BPHL: variants seen among roughly 807,000 people sequenced by gnomAD.
BPHL encodes biphenyl hydrolase like.
A neutral mutation model predicts 31.2 loss-of-function variants in BPHL; 27 were observed. The observed-to-expected ratio is 0.87, with a 90% CI of 0.64 to 1.19. The LOEUF (loss-of-function observed/expected upper bound fraction) is 1.19. Ranked by LOEUF, BPHL falls within the 50% of genes most tolerant of loss-of-function variation. The pLI is 0.00. For synonymous variants in BPHL, 150 were observed against 146.8 expected, an observed-to-expected ratio of 1.02 and a Z score of -0.16; for missense variants, 356 against 375.7, an observed-to-expected ratio of 0.95 and a Z score of 0.43.
chr6:3,131,767 G>A (rs1478267081), intron 4 of BPHL, among the ~76,000 whole-genome samples: 4 of 151,898 alleles, frequency 2.6e-5, no homozygotes, highest in South Asian at 2.1e-4. Flanking sequence ...ATGCCTCTTC[G>A]CCTTTGCAAC....
chr6:3,153,336 C>T lies in BPHL; in HGVS notation c.*761C>T, dbSNP rs191491013. On this transcript the variant is annotated 3_prime_UTR_variant, in exon 7 of 7. Coordinates refer to ENST00000380379, the MANE Select transcript of BPHL (RefSeq NM_004332.4). ...AAGAGAAGTAGGGAGAGTCCGTGCC[C>T]GAGGTCCTCAATTCTAAGATCAGAG... The T allele has an allele frequency of 5.1e-3, 871 of 171,394 alleles. 5 individuals carry two copies. The highest frequency in any genetic ancestry group is 9.0e-3 in the Non-Finnish European group (707 of 78,606). The allele number at this position is 171,394 out of a possible 1,614,324, so 10.6% of individuals were successfully genotyped here.
chr6:3,138,038 T>C, intron 5 of BPHL: 2 of 1,229,746 alleles, frequency 1.6e-6, no homozygotes, highest in Non-Finnish European at 2.1e-6. Context: ...CTTTTTTTTT[T>C]AGATGGAGTC....
intron 4 of BPHL, among the ~76,000 whole-genome samples, chr6:3,136,270 G>A (rs373596093): frequency 6.6e-6 from 1 of 152,018 alleles, no homozygotes; most frequent in Non-Finnish European, 1.5e-5. Context: ...CTTACCCTCC[G>A]CCCCCAAATG....
chr6:3,133,748 G>A (rs946817165), intron 4 of BPHL, among the ~76,000 whole-genome samples: 2 of 152,286 alleles, frequency 1.3e-5, no homozygotes, highest in East Asian at 1.9e-4. Context: ...TCCACTGCCC[G>A]TGTGAGCACA....
chr6:3,141,972 C>G (rs183305404), intron 6 of BPHL, among the ~76,000 whole-genome samples: 217 of 151,710 alleles, frequency 1.4e-3, no homozygotes, highest in African/African-American at 5.2e-3. Context: ...GACTCCGTCT[C>G]AGAAATAAAT....
intron 4 of BPHL, among the ~76,000 whole-genome samples, chr6:3,133,837 G>A (rs534186003): frequency 3.9e-4 from 59 of 152,308 alleles, no homozygotes; most frequent in Non-Finnish European, 5.6e-4. Flanking sequence ...TCTCTCTAGG[G>A]TCTAAGTCCA....
chr6:3,119,150 T>TA, intron 1 of BPHL: 2 of 804,500 alleles, frequency 2.5e-6, no homozygotes, highest in Non-Finnish European at 2.0e-6. Flanking sequence ...CCCAGGGAGA[T>TA]ACATTTGCCT....
chr6:3,150,397 A>G (rs1762489232), intron 6 of BPHL, among the ~76,000 whole-genome samples: 1 of 152,206 alleles, frequency 6.6e-6, no homozygotes, highest in African/African-American at 2.4e-5. Flanking sequence ...GAGCTGTATC[A>G]ACAGAGGTAA....
At chr6:3,146,272 TC>T (rs1762354662) in intron 6 of BPHL, among the ~76,000 whole-genome samples, 1 of 59,992 alleles carries the variant, frequency 1.7e-5, no homozygotes, top group African/African-American at 6.1e-5. Context: ...CTGGTTCGGG[TC>T]GGAGTGCTGG....
chr6:3,142,562 A>C (rs989136502), intron 6 of BPHL, among the ~76,000 whole-genome samples: 2 of 152,240 alleles, frequency 1.3e-5, no homozygotes, highest in Admixed American at 6.5e-5. Context: ...CATATTTATG[A>C]AAAATATTAT....
At chr6:3,122,141 G>A (rs544684248) in intron 1 of BPHL, among the ~76,000 whole-genome samples, 67 of 152,220 alleles carry the variant, frequency 4.4e-4, no homozygotes, top group African/African-American at 1.4e-3. Flanking sequence ...TTAGCCGGGC[G>A]TGGTGGCGGG....
At chr6:3,139,336 T>G (rs537351668) in intron 5 of BPHL, 1 of 152,330 alleles carries the variant, frequency 6.6e-6, no homozygotes, top group Non-Finnish European at 1.5e-5. Context: ...GATGTGAAAT[T>G]GTTTAAACAG....
chr6:3,140,834 A>G lies in BPHL; in HGVS notation c.788+325A>G, dbSNP rs1011551625. Among the ~76,000 whole-genome samples, 11 of 152,242 alleles carry G rather than the reference A, an allele frequency of 7.2e-5. No homozygotes were observed. The highest frequency in any genetic ancestry group is 1.5e-4 in the Non-Finnish European group (10 of 68,046). ...CATCAGTATTAACCGAAACAGTTTCACACAATTTGGGAATTTTCAGTTTAG... is the reference window on the plus strand; with the variant it reads ...CATCAGTATTAACCGAAACAGTTTCGCACAATTTGGGAATTTTCAGTTTAG... On this transcript the variant is annotated intron_variant, in intron 6 of 6. Transcript: ENST00000380379. This position sits in a 1 kb window ranked among gnomAD's most constrained non-coding sequence, Gnocchi z 5.2.
chr6:3,131,219 T>C (rs2113755799), intron 4 of BPHL, among the ~76,000 whole-genome samples: 1 of 152,198 alleles, frequency 6.6e-6, no homozygotes, highest in Admixed American at 6.5e-5. Flanking sequence ...CTTCCTTCTT[T>C]AGTCCATTCT....
chr6:3,140,622 C>A lies in BPHL; in HGVS notation c.788+113C>A. The A allele has an allele frequency of 6.7e-7, 1 of 1,493,528 alleles. No homozygotes were observed. The highest frequency in any genetic ancestry group is 9.0e-7 in the Non-Finnish European group (1 of 1,105,844). 92.5% of individuals were successfully genotyped at this position (1,493,528 alleles called of 1,614,324 possible). A position where few individuals can be genotyped will look rare whatever the true frequency, so the allele number is the denominator to read the frequency against. On this transcript the variant is annotated intron_variant, in intron 6 of 6. Coordinates refer to ENST00000380379, the MANE Select transcript of BPHL (RefSeq NM_004332.4). This position sits in a 1 kb window ranked among gnomAD's most constrained non-coding sequence, Gnocchi z 5.2. ...TGGAGTTTTAGAGTGCACAGCCCCCCTTTTGCCAATGCCAGTCAGTAGCAC... is the reference window on the plus strand; with the variant it reads ...TGGAGTTTTAGAGTGCACAGCCCCCATTTTGCCAATGCCAGTCAGTAGCAC...
Position 3,129,069 on chromosome 6 carries a change from C to T in BPHL, c.403C>T (p.Leu135=). 1 of 1,614,242 alleles carries T rather than the reference C, an allele frequency of 6.2e-7. No individual in the cohort carries two copies. Among genetic ancestry groups the T allele is most frequent in the Non-Finnish European group, 8.5e-7 (1 of 1,180,040 alleles). Residue 135 remains leucine (L), a synonymous_variant, in exon 4 of 7, where the codon CTG becomes TTG. Coordinates refer to ENST00000380379, the MANE Select transcript of BPHL (RefSeq NM_004332.4). The stretch of plus-strand genomic sequence containing the variant: ...GGCGCTGAAGTTTAAGAAGGTTTCT[C>T]TGCTGGGGTGGAGTGATGGGGGCAT... ...MKALKFKKVS[L]LGWSDGGITA... is the part of the protein sequence containing the mutation.
At chr6:3,134,447 T>C (rs1307304589) in intron 4 of BPHL, among the ~76,000 whole-genome samples, 2 of 149,492 alleles carry the variant, frequency 1.3e-5, no homozygotes, top group Non-Finnish European at 3.0e-5. Flanking sequence ...CCTTTTTTTT[T>C]TTTTTTTTTG....
intron 4 of BPHL, among the ~76,000 whole-genome samples, chr6:3,132,201 C>T (rs1441979616): frequency 6.6e-6 from 1 of 152,206 alleles, no homozygotes; most frequent in South Asian, 2.1e-4. Flanking sequence ...GACCAAGCCC[C>T]CACCACGCAC....
chr6:3,132,903 C>A (rs1174554850), intron 4 of BPHL, among the ~76,000 whole-genome samples: 1 of 152,058 alleles, frequency 6.6e-6, no homozygotes, highest in African/African-American at 2.4e-5. Flanking sequence ...CACTATGTTG[C>A]CTTATTCAAC....
Sources: gnomAD v4.1 joint callset for allele counts (sites outside exome capture counted in the v4.1 genomes callset) on GRCh38, gnomAD v4.1.1 for gene constraint, Gnocchi (gnomAD v3.1) non-coding constraint, MANE v1.5 for transcripts, NCBI Gene and HGNC (gene_info 2026-07-23, HGNC 2026-07-21) for gene names.